AMMECR1: variants seen among roughly 807,000 people sequenced by gnomAD.
AMMECR1 encodes the protein nuclear protein AMMECR1.
A neutral mutation model predicts 22.5 loss-of-function variants in AMMECR1; 3 were observed. That is an observed-to-expected ratio of 0.13 (90% CI 0.06 to 0.35). The LOEUF is 0.35. Ranked by LOEUF, AMMECR1 falls within the 10% of genes least tolerant of loss-of-function variation. AMMECR1 has a pLI of 1.00. For missense variants in AMMECR1, 235 were observed against 278.7 expected (o/e 0.84, Z 1.12); for synonymous variants, 130 against 116.7 (o/e 1.11, Z -0.74).
chrX:110,264,456 G>A, intron 2 of AMMECR1, 33 bp downstream of exon 2: 1 of 843,481 alleles, frequency 1.2e-6, no homozygotes, highest in Admixed American at 3.0e-5. Context: ...TTTTTTTAAT[G>A]TAAAAGCAGA....
chrX:110,315,581 T>A (rs1285768723), intron 1 of AMMECR1, among the ~76,000 whole-genome samples: 1 of 112,387 alleles, frequency 8.9e-6, no homozygotes, highest in Non-Finnish European at 1.9e-5. Context: ...TCAAAAGCAT[T>A]TTCTGTATGA....
intron 2 of AMMECR1, among the ~76,000 whole-genome samples, chrX:110,246,910 G>A (rs1233655652): frequency 8.9e-6 from 1 of 112,065 alleles, no homozygotes; most frequent in Admixed American, 9.4e-5. Flanking sequence ...TACACTATAG[G>A]CAAGAAACAG....
At chrX:110,286,647 G>A (rs1394425605) in intron 1 of AMMECR1, among the ~76,000 whole-genome samples, 1 of 105,504 alleles carries the variant, frequency 9.5e-6, no homozygotes, top group Non-Finnish European at 2.0e-5. Flanking sequence ...CCTCCAGCCT[G>A]GGTGGCAGAG....
chrX:110,221,926 C>A (rs1289198282), intron 2 of AMMECR1, among the ~76,000 whole-genome samples: 2 of 108,353 alleles, frequency 1.8e-5, no homozygotes, highest in South Asian at 8.2e-4. Context: ...GAATGGCAAT[C>A]ATTAAAAAGT....
In AMMECR1 at chrX:110,209,876, C is replaced by T. The variant is rs1384622753; in HGVS notation, c.699+6642G>A. Among the ~76,000 whole-genome samples, 8 of 109,165 alleles carry T rather than the reference C, an allele frequency of 7.3e-5. No homozygotes were observed. The East Asian group carries it at 1.4e-3, about 20-fold the overall frequency. 94.8% of individuals were successfully genotyped at this position (109,165 alleles called of 115,157 possible). On this transcript the variant is annotated intron_variant, in intron 3 of 5. Coordinates refer to ENST00000262844, the MANE Select transcript of AMMECR1 (RefSeq NM_015365.3). ...TTCTTTTAATTAAATGCTGGGGACA[C>T]ACACACACACACACACACAGGCAAA...
At chrX:110,199,582 T>C (rs1251824001) in intron 5 of AMMECR1, among the ~76,000 whole-genome samples, 3 of 111,327 alleles carry the variant, frequency 2.7e-5, no homozygotes, top group Non-Finnish European at 5.7e-5. Context: ...GGTCCCTACT[T>C]TGATTAAAGG....
At chrX:110,408,916 T>C (rs892410252) in intron 2 of AMMECR1, among the ~76,000 whole-genome samples, 8 of 111,996 alleles carry the variant, frequency 7.1e-5, no homozygotes, top group Non-Finnish European at 1.1e-4. Context: ...AGGTAGGTTA[T>C]AGTACCTAGA....
chrX:110,359,173 C>G (rs992250715), intron 2 of AMMECR1, among the ~76,000 whole-genome samples: 20 of 111,222 alleles, frequency 1.8e-4, no homozygotes, highest in African/African-American at 6.5e-4. Flanking sequence ...CAGTCTGGAT[C>G]TAGTGGCTGT....
At chrX:110,257,816 C>T (rs1480438787) in intron 2 of AMMECR1, among the ~76,000 whole-genome samples, 1 of 111,896 alleles carries the variant, frequency 8.9e-6, no homozygotes, top group Non-Finnish European at 1.9e-5. Context: ...TCGATAACTT[C>T]TTATCTCTCC....
At chrX:110,328,602 G>A (rs1188720437) in intron 2 of AMMECR1, among the ~76,000 whole-genome samples, 1 of 108,377 alleles carries the variant, frequency 9.2e-6, no homozygotes, top group Admixed American at 9.9e-5. Flanking sequence ...TTCTCCTAAT[G>A]CTATCCCTCC....
intron 2 of AMMECR1, among the ~76,000 whole-genome samples, chrX:110,386,421 C>T (rs1569419682): frequency 9.1e-6 from 1 of 110,056 alleles, no homozygotes; most frequent in Non-Finnish European, 1.9e-5. Context: ...TTTTGATTTG[C>T]ATTTCTCTGA....
chrX:110,421,451 G>A (rs969473499), intron 2 of AMMECR1, among the ~76,000 whole-genome samples: 2 of 112,660 alleles, frequency 1.8e-5, no homozygotes, highest in Admixed American at 9.3e-5. Flanking sequence ...ACGGGTCAGA[G>A]TTGTGTTGCG....
intron 1 of AMMECR1, among the ~76,000 whole-genome samples, chrX:110,301,158 C>G (rs2067964743): frequency 8.9e-6 from 1 of 112,428 alleles, no homozygotes; most frequent in Non-Finnish European, 1.9e-5. Flanking sequence ...TAGTGACTTT[C>G]CTGGACTAGT....
chrX:110,383,284 C>T (rs946062128), intron 2 of AMMECR1, among the ~76,000 whole-genome samples: 1 of 111,056 alleles, frequency 9.0e-6, no homozygotes, highest in African/African-American at 3.3e-5. Context: ...ATCCCCTTTC[C>T]AAAGAGTATA....
At chrX:110,403,148 T>A (rs1215422593) in intron 2 of AMMECR1, among the ~76,000 whole-genome samples, 1 of 111,393 alleles carries the variant, frequency 9.0e-6, no homozygotes, top group East Asian at 2.8e-4. Flanking sequence ...CCTGCCCCTG[T>A]TCTTCACAGA....
intron 2 of AMMECR1, chrX:110,419,220 G>C (rs908728295): frequency 8.9e-6 from 1 of 111,991 alleles, no homozygotes; most frequent in Non-Finnish European, 1.9e-5. Flanking sequence ...CTCCCTCCTA[G>C]GGCTCTGTGT....
chrX:110,280,083 T>C (rs2067845212), intron 1 of AMMECR1, among the ~76,000 whole-genome samples: 1 of 111,714 alleles, frequency 9.0e-6, no homozygotes, highest in Non-Finnish European at 1.9e-5. Context: ...TAAGTACTTA[T>C]ATGTAATAAC....
chrX:110,319,666 C>G (rs1047730309), upstream of AMMECR1, among the ~76,000 whole-genome samples: 1 of 112,154 alleles, frequency 8.9e-6, no homozygotes, highest in Non-Finnish European at 1.9e-5. Context: ...GATACTATCT[C>G]GTTTTATCTT....
intron 2 of AMMECR1, among the ~76,000 whole-genome samples, chrX:110,352,362 A>G (rs969236639): frequency 3.5e-5 from 4 of 112,781 alleles, no homozygotes; most frequent in African/African-American, 1.3e-4. Flanking sequence ...TACCCATACA[A>G]TGGAAATGAA....
Sources: gnomAD v4.1 joint callset for allele counts (sites outside exome capture counted in the v4.1 genomes callset) on GRCh38, gnomAD v4.1.1 for gene constraint, MANE v1.5 for transcripts, NCBI Gene and HGNC (gene_info 2026-07-23, HGNC 2026-07-21) for gene names.